Variants in RBM6 observed in about 807,000 individuals in gnomAD.
The protein encoded by RBM6 is RNA binding motif protein 6.
A neutral mutation model predicts 140.4 loss-of-function variants in RBM6; 23 were observed. The observed-to-expected ratio is 0.16, with a 90% CI of 0.12 to 0.23. RBM6 has a LOEUF of 0.23. Among genes scored for constraint, RBM6 ranks in the 10% least tolerant of loss-of-function variants. The pLI is 1.00. For missense variants in RBM6, 1,139 were observed against 1,386.7 expected (o/e 0.82, Z 2.84); for synonymous variants, 439 against 475.6 (o/e 0.92, Z 1.00).
intron 1 of RBM6, among the ~76,000 whole-genome samples, chr3:49,953,464 C>T (rs1416389402): frequency 4.6e-5 from 7 of 151,476 alleles, no homozygotes; most frequent in African/African-American, 2.4e-5. Flanking sequence ...GTGATCTGCC[C>T]GCCTTGGCCT....
chr3:50,008,071 G>T (rs2086668992), intron 6 of RBM6, among the ~76,000 whole-genome samples: 1 of 152,080 alleles, frequency 6.6e-6, no homozygotes, highest in African/African-American at 2.4e-5. Flanking sequence ...ACTCCAGCCT[G>T]GGCAACAGAA....
At chr3:50,063,866 T>C (rs1008744788) in intron 15 of RBM6, among the ~76,000 whole-genome samples, 1 of 151,894 alleles carries the variant, frequency 6.6e-6, no homozygotes, top group African/African-American at 2.4e-5. Flanking sequence ...ACACCTACCT[T>C]GATATCAGTT....
intron 1 of RBM6, among the ~76,000 whole-genome samples, chr3:49,958,275 G>A (rs2108606057): frequency 6.6e-6 from 1 of 151,756 alleles, no homozygotes; most frequent in African/African-American, 2.4e-5. Context: ...AACACAAAAG[G>A]CCGGGTGCGG....
chr3:50,004,460 C>T (rs1304251135), intron 6 of RBM6, among the ~76,000 whole-genome samples: 1 of 150,450 alleles, frequency 6.6e-6, no homozygotes, highest in Non-Finnish European at 1.5e-5. Context: ...GAACTACCAC[C>T]ACCACAGCTG....
chr3:49,964,726 T>C (rs2084430861), intron 2 of RBM6, among the ~76,000 whole-genome samples: 1 of 152,242 alleles, frequency 6.6e-6, no homozygotes, highest in Non-Finnish European at 1.5e-5. Context: ...CTTGTATTTA[T>C]GGGTAACTAT....
At position 49,999,505 on chromosome 3, in the gene RBM6, G is replaced by A. The variant is rs778986011; in HGVS notation, c.1549G>A (p.Ala517Thr). Residue 517 changes from alanine (A) to threonine (T), a missense_variant, in exon 6 of 21, where the codon GCC (alanine) becomes ACC (threonine). Around this residue, in one of 9 missense-constraint regions of RBM6, gnomAD observed 58 missense variants for 99.7 expected, o/e 0.58. Coordinates refer to ENST00000266022, the MANE Select transcript of RBM6 (RefSeq NM_005777.3). ...GGAAGATGCCATCGGATGCATGGAGGCCAACCAGGTTGCTTTATACTTCGG... is the reference window on the plus strand; with the variant it reads ...GGAAGATGCCATCGGATGCATGGAGACCAACCAGGTTGCTTTATACTTCGG... ...LLEDAIGCME[A>T]NQGTLMIQDK... 6.2e-7 allele frequency: 1 copy of A among 1,612,826 alleles called. No homozygotes were observed. The highest frequency in any genetic ancestry group is 2.2e-5 in the East Asian group (1 of 44,868).
chr3:49,996,364 A>G (rs1294454256), intron 5 of RBM6, among the ~76,000 whole-genome samples: 2 of 152,162 alleles, frequency 1.3e-5, no homozygotes, highest in Non-Finnish European at 2.9e-5. Flanking sequence ...TTGACAGTGC[A>G]TGGTTTTTAT....
intron 6 of RBM6, among the ~76,000 whole-genome samples, chr3:50,033,783 A>G (rs943792232): frequency 1.3e-5 from 2 of 152,134 alleles, no homozygotes; most frequent in African/African-American, 4.8e-5. Context: ...CTGGGGCTAC[A>G]GGTGCATACC....
intron 5 of RBM6, among the ~76,000 whole-genome samples, chr3:49,984,585 G>GACATC (rs1223070354): frequency 2.0e-4 from 27 of 134,818 alleles, no homozygotes; most frequent in East Asian, 8.0e-4. Flanking sequence ...TGTCTAACGT[G>GACATC]ACATCACATC....
chr3:49,960,504 T>C (rs1178829366), intron 1 of RBM6, among the ~76,000 whole-genome samples: 1 of 152,234 alleles, frequency 6.6e-6, no homozygotes, highest in Non-Finnish European at 1.5e-5. Context: ...ATAGTGTCCT[T>C]TGATACACAG....
chr3:50,052,986 GGTGT>G (rs57244510), intron 7 of RBM6, among the ~76,000 whole-genome samples: 12,608 of 134,560 alleles, frequency 0.094, 643 homozygotes, highest in East Asian at 0.13. Flanking sequence ...AGTGGGCAGG[GGTGT>G]GTGTGTGTGT....
At chr3:49,961,398 G>A (rs1469446683) in intron 1 of RBM6, among the ~76,000 whole-genome samples, 1 of 152,128 alleles carries the variant, frequency 6.6e-6, no homozygotes, top group African/African-American at 2.4e-5. Flanking sequence ...GCCCAGGCTG[G>A]TCTCAAACTC....
At chr3:50,051,775 G>T (rs959906634) in intron 7 of RBM6, among the ~76,000 whole-genome samples, 4 of 152,214 alleles carry the variant, frequency 2.6e-5, no homozygotes, top group African/African-American at 4.8e-5. Flanking sequence ...TTGGCTGATG[G>T]ATGGATGAAC....
chr3:50,007,388 T>C (rs547582167), intron 6 of RBM6, among the ~76,000 whole-genome samples: 2 of 151,800 alleles, frequency 1.3e-5, no homozygotes, highest in East Asian at 3.9e-4. Flanking sequence ...GGTTTTGCCA[T>C]ATTGCCCAGG....
intron 6 of RBM6, among the ~76,000 whole-genome samples, chr3:50,034,264 G>C (rs768792312): frequency 5.9e-5 from 9 of 151,944 alleles, no homozygotes; most frequent in Non-Finnish European, 1.3e-4. Flanking sequence ...GATTACAAGC[G>C]TGAGCCATCA....
At chr3:49,984,639 TCG>T (rs1559552901) in intron 5 of RBM6, among the ~76,000 whole-genome samples, 4 of 79,580 alleles carry the variant, frequency 5.0e-5, no homozygotes, top group Middle Eastern at 6.1e-3. Context: ...TCGCATCGCA[TCG>T]CATCGCATCG....
intron 6 of RBM6, among the ~76,000 whole-genome samples, chr3:50,004,779 C>T (rs75435353): frequency 0.011 from 1,689 of 152,018 alleles, 40 homozygotes; most frequent in African/African-American, 0.039. Flanking sequence ...CCACCATGTT[C>T]GGCTAATTAA....
chr3:49,991,236 C>G (rs1379458993), intron 5 of RBM6, among the ~76,000 whole-genome samples: 4 of 152,188 alleles, frequency 2.6e-5, no homozygotes, highest in Non-Finnish European at 5.9e-5. Context: ...GTAGGAGTCT[C>G]TGTCCTGTGG....
chr3:50,030,232 A>G (rs2088070748), intron 6 of RBM6, among the ~76,000 whole-genome samples: 1 of 148,332 alleles, frequency 6.7e-6, no homozygotes, highest in Non-Finnish European at 1.5e-5. Flanking sequence ...GCAGTGAGCC[A>G]TGATCATGCC....
Sources: allele counts gnomAD v4.1 joint callset (sites outside exome capture counted in the v4.1 genomes callset), GRCh38; gene constraint gnomAD v4.1.1; regional missense constraint gnomAD v4.1.1; transcripts MANE v1.5; gene names NCBI Gene and HGNC (gene_info 2026-07-23, HGNC 2026-07-21).